Variants in ADAMTS3 observed in about 807,000 individuals in gnomAD.
The protein encoded by ADAMTS3 is A disintegrin and metalloproteinase with thrombospondin motifs 3.
ADAMTS3 carries 73 observed loss-of-function variants against 129.0 expected under a neutral mutation model. That is an observed-to-expected ratio of 0.57 (90% confidence interval 0.47 to 0.69). ADAMTS3 has a LOEUF of 0.69. ADAMTS3 is among the 30% of genes least tolerant of loss of function. The probability of loss-of-function intolerance (pLI) is 0.00; values close to 1 mark genes in which losing one functional copy is unlikely to be tolerated. For synonymous variants in ADAMTS3, 477 were observed against 510.8 expected (o/e 0.93, Z 0.89); for missense variants, 1,457 against 1,514.5 (o/e 0.96, Z 0.63).
chr4:72,324,049 C>T (rs1195716355), intron 5 of ADAMTS3, among the ~76,000 whole-genome samples: 2 of 151,978 alleles, frequency 1.3e-5, no homozygotes, highest in African/African-American at 2.4e-5. Context: ...GGCTAGAATG[C>T]AAAGTTCTTA....
intron 3 of ADAMTS3, among the ~76,000 whole-genome samples, chr4:72,455,801 TTG>T (rs1261900574): frequency 2.5e-4 from 34 of 136,388 alleles, no homozygotes; most frequent in African/African-American, 9.2e-4. Flanking sequence ...TATATATATT[TTG>T]TGTCTATATA....
intron 4 of ADAMTS3, among the ~76,000 whole-genome samples, chr4:72,369,206 A>C (rs1013540005): frequency 6.6e-6 from 1 of 152,182 alleles, no homozygotes; most frequent in African/African-American, 2.4e-5. Flanking sequence ...AAGCAATATC[A>C]ATGTCCTATT....
chr4:72,290,671 T>C (rs2109771265), intron 20 of ADAMTS3, among the ~76,000 whole-genome samples, 184 bp downstream of exon 20: 1 of 152,332 alleles, frequency 6.6e-6, no homozygotes, highest in East Asian at 1.9e-4. Flanking sequence ...CACATAAACA[T>C]GGTTTGCCCC....
At chr4:72,428,506 A>G (rs1467871387) in intron 3 of ADAMTS3, among the ~76,000 whole-genome samples, 1 of 152,102 alleles carries the variant, frequency 6.6e-6, no homozygotes, top group Non-Finnish European at 1.5e-5. Context: ...AAACAATTTT[A>G]TTAACCTAGT....
At chr4:72,556,505 C>G (rs553703442) in intron 2 of ADAMTS3, among the ~76,000 whole-genome samples, 1 of 151,674 alleles carries the variant, frequency 6.6e-6, no homozygotes, top group African/African-American at 2.4e-5. Context: ...ATATGTCACA[C>G]AAATTTTTAA....
intron 2 of ADAMTS3, among the ~76,000 whole-genome samples, chr4:72,549,138 A>G (rs1159590587): frequency 6.6e-6 from 1 of 152,192 alleles, no homozygotes; most frequent in Non-Finnish European, 1.5e-5. Flanking sequence ...TTTACATCTC[A>G]TTAATACATT....
intron 4 of ADAMTS3, among the ~76,000 whole-genome samples, chr4:72,401,584 A>AG (rs1399210970): frequency 9.2e-5 from 13 of 141,824 alleles, no homozygotes; most frequent in Admixed American, 2.8e-4. Flanking sequence ...AAAAAAAAAA[A>AG]AAAAGAAAAG....
intron 4 of ADAMTS3, among the ~76,000 whole-genome samples, chr4:72,401,232 C>G (rs1251133466): frequency 1.3e-5 from 2 of 151,622 alleles, no homozygotes; most frequent in African/African-American, 4.8e-5. Flanking sequence ...AACAGAACAT[C>G]TGAATGATGC....
chr4:72,460,020 TTCAGATTTTGGAACATA>T (rs1015146205), intron 3 of ADAMTS3, among the ~76,000 whole-genome samples: 1 of 151,568 alleles, frequency 6.6e-6, no homozygotes, highest in African/African-American at 2.4e-5. Flanking sequence ...ATCAAAATGT[TTCAGATTTTGGAACATA>T]TCAGATTTTG....
chr4:72,290,970 T>C lies in ADAMTS3; in HGVS notation c.2816A>G (p.Asp939Gly), dbSNP rs1267282203. ...RTVRCLQPLL[D>G]GTNRSVHSKY... ...GCTGTGCACAGAGCGGTTGGTGCCATCAAGGAGTGGCTGAAGGCAGCGTAC... is the reference window on the plus strand; with the variant it reads ...GCTGTGCACAGAGCGGTTGGTGCCACCAAGGAGTGGCTGAAGGCAGCGTAC... The change falls in exon 20 of 22, where the codon GAT becomes GGT. Residue 939 changes from aspartate (D) to glycine (G), a missense_variant. Transcript: ENST00000286657. 6.2e-7 allele frequency: 1 copy of C among 1,613,918 alleles called. No homozygotes were observed. The highest frequency in any genetic ancestry group is 8.5e-7 in the Non-Finnish European group (1 of 1,179,974).
chr4:72,364,168 C>A (rs982415942), intron 4 of ADAMTS3, among the ~76,000 whole-genome samples: 1 of 148,776 alleles, frequency 6.7e-6, no homozygotes, highest in Non-Finnish European at 1.5e-5. Flanking sequence ...TGAAAAATTC[C>A]AAATTCAAAA....
chr4:72,430,506 C>T (rs567874100), intron 3 of ADAMTS3, among the ~76,000 whole-genome samples: 9 of 152,084 alleles, frequency 5.9e-5, no homozygotes, highest in Admixed American at 5.9e-4. Context: ...CCATTCAATT[C>T]ACTCCCAGTC....
chr4:72,561,009 G>A (rs920554759), intron 2 of ADAMTS3, among the ~76,000 whole-genome samples: 6 of 152,094 alleles, frequency 3.9e-5, no homozygotes, highest in Non-Finnish European at 8.8e-5. Context: ...GAGGAAATAT[G>A]AGTATTAACA....
intron 3 of ADAMTS3, among the ~76,000 whole-genome samples, chr4:72,515,874 C>T (rs1392697078): frequency 6.6e-6 from 1 of 152,112 alleles, no homozygotes; most frequent in African/African-American, 2.4e-5. Context: ...GCTTTTGTTG[C>T]CATTGCTTTT....
intron 20 of ADAMTS3, among the ~76,000 whole-genome samples, chr4:72,290,456 G>T (rs1718627260): frequency 6.6e-6 from 1 of 152,138 alleles, no homozygotes; most frequent in Admixed American, 6.5e-5. Flanking sequence ...AGCATGGTCT[G>T]TTTGGAACAG....
intron 4 of ADAMTS3, among the ~76,000 whole-genome samples, chr4:72,409,942 A>T (rs1194049037): frequency 6.6e-6 from 1 of 151,856 alleles, no homozygotes; most frequent in Non-Finnish European, 1.5e-5. Context: ...CAGGTGTAAA[A>T]ATTTTGTAAT....
rs1219161684 is a variant in ADAMTS3 at position 72,313,789 on chromosome 4, C to T, written c.1633G>A (p.Ala545Thr). 2 of 1,613,776 alleles carry T rather than the reference C, an allele frequency of 1.2e-6. No homozygotes were observed. The highest frequency in any genetic ancestry group is 1.7e-5 in the Admixed American group (1 of 59,988). ...TTGCCATCTTGTTTTTGCTGATTAG[C>T]ATTCTTCCACATGCAATGACCCTTA... ...CYKGHCMWKN[A>T]NQQKQDGNWG... Residue 545 changes from alanine to threonine, a missense_variant, in exon 12 of 22, where the codon GCT becomes ACT. Physicochemically the swap from Ala to Thr is moderately conservative, Grantham distance 58. Coordinates refer to ENST00000286657, the MANE Select transcript of ADAMTS3 (RefSeq NM_014243.3).
intron 21 of ADAMTS3, among the ~76,000 whole-genome samples, chr4:72,288,270 A>G (rs1247325695): frequency 2.0e-5 from 3 of 152,202 alleles, no homozygotes. Flanking sequence ...ATTTTATCCT[A>G]TGTGCAAGGT....
intron 4 of ADAMTS3, among the ~76,000 whole-genome samples, chr4:72,370,142 G>A (rs552517649): frequency 5.9e-5 from 9 of 152,060 alleles, no homozygotes; most frequent in African/African-American, 1.4e-4. Context: ...TATGGCCCTC[G>A]AGACTGGAAG....
Sources: allele counts gnomAD v4.1 joint callset (sites outside exome capture counted in the v4.1 genomes callset), GRCh38; gene constraint gnomAD v4.1.1; transcripts MANE v1.5; gene names NCBI Gene and HGNC (gene_info 2026-07-23, HGNC 2026-07-21).